Variants in PDE4B observed in about 807,000 individuals in gnomAD.
The protein encoded by PDE4B is phosphodiesterase 4B.
Under a neutral mutation model 82.2 loss-of-function variants are expected in PDE4B, and 20 were observed. The observed-to-expected ratio is 0.24, with a 90% CI of 0.17 to 0.35. PDE4B has a LOEUF of 0.35. Among genes scored for constraint, PDE4B ranks in the 10% least tolerant of loss-of-function variants. PDE4B has a pLI of 1.00. For missense variants in PDE4B, 655 were observed against 907.2 expected, an observed-to-expected ratio of 0.72 and a Z score of 3.57; for synonymous variants, 320 against 318.9, an observed-to-expected ratio of 1.00 and a Z score of -0.04.
chr1:66,300,689 G>A (rs990597599), intron 7 of PDE4B, among the ~76,000 whole-genome samples: 1 of 152,148 alleles, frequency 6.6e-6, no homozygotes, highest in Non-Finnish European at 1.5e-5. Context: ...ATTGGACGCA[G>A]ACCCTGAACT....
chr1:65,983,910 A>G (rs980923754), intron 3 of PDE4B, among the ~76,000 whole-genome samples: 1 of 152,204 alleles, frequency 6.6e-6, no homozygotes, highest in African/African-American at 2.4e-5. Flanking sequence ...GTTATTTAGG[A>G]TGGAAGAGAA....
chr1:65,936,361 C>G (rs1557443980), intron 3 of PDE4B, among the ~76,000 whole-genome samples: 1 of 152,178 alleles, frequency 6.6e-6, no homozygotes, highest in South Asian at 2.1e-4. Context: ...ATCACCACCA[C>G]AAGCACGTGA....
intron 3 of PDE4B, among the ~76,000 whole-genome samples, chr1:66,126,383 C>G (rs1645823840): frequency 6.6e-6 from 1 of 152,150 alleles, no homozygotes; most frequent in South Asian, 2.1e-4. Context: ...GAGGTAGAAG[C>G]TTTCACTATA....
chr1:65,944,945 A>T (rs1360228647), intron 3 of PDE4B, among the ~76,000 whole-genome samples: 1 of 151,966 alleles, frequency 6.6e-6, no homozygotes, highest in Non-Finnish European at 1.5e-5. Context: ...ATAAGCAAAG[A>T]AAGAAGTTAA....
rs970793995 is a variant in PDE4B, at chr1:66,372,704, A to G, written c.*26A>G. ...TCCCCCTCTCCCTGTGGAGATGAAC[A>G]TTCTATCCTTGATGAGCATGCCAGC... On this transcript the variant is annotated 3_prime_UTR_variant, in exon 17 of 17. Transcript: ENST00000341517. 8 of 1,588,664 alleles carry G rather than the reference A, an allele frequency of 5.0e-6. No homozygotes were observed. Among genetic ancestry groups the G allele is most frequent in the Non-Finnish European group, 6.9e-6 (8 of 1,166,392 alleles).
intron 1 of PDE4B, among the ~76,000 whole-genome samples, chr1:65,800,776 G>A (rs920726061): frequency 6.6e-6 from 1 of 152,166 alleles, no homozygotes; most frequent in Non-Finnish European, 1.5e-5. Context: ...GCAATAGTAA[G>A]AGTGGTCACG....
rs189881498 is a variant in PDE4B at position 66,190,825 on chromosome 1, G to A, written c.282-56635G>A. Among the ~76,000 whole-genome samples the A allele has an allele frequency of 2.1e-4, 32 of 152,046 alleles. No individual in the cohort carries two copies. The East Asian group carries it at 4.7e-3, about 22-fold the overall frequency. On this transcript the variant is annotated intron_variant, in intron 3 of 16. Coordinates refer to ENST00000341517, the MANE Select transcript of PDE4B (RefSeq NM_002600.4). ...CCTCACCCTGCTTTGGCTCATACTCGGTGTGCTGCACGTGCTGTCCTGTAC... is the reference window on the plus strand; with the variant it reads ...CCTCACCCTGCTTTGGCTCATACTCAGTGTGCTGCACGTGCTGTCCTGTAC...
intron 1 of PDE4B, among the ~76,000 whole-genome samples, chr1:65,887,375 T>G (rs112737069): frequency 2.1e-4 from 1 of 4,716 alleles, no homozygotes; most frequent in Non-Finnish European, 4.3e-4. Flanking sequence ...CTCCCTCCCT[T>G]CCTTCCTTCC....
intron 3 of PDE4B, among the ~76,000 whole-genome samples, chr1:66,088,665 T>C (rs146857848): frequency 1.3e-4 from 20 of 152,202 alleles, no homozygotes; most frequent in African/African-American, 4.6e-4. Flanking sequence ...GTCAATACTA[T>C]TGAATATTCA....
At chr1:66,341,274 G>C (rs527353485) in intron 8 of PDE4B, among the ~76,000 whole-genome samples, 4 of 152,276 alleles carry the variant, frequency 2.6e-5, no homozygotes, top group Non-Finnish European at 4.4e-5. Flanking sequence ...GTGGGATTCA[G>C]GTATTAAAGT....
At chr1:65,884,459 A>C (rs1357833094) in intron 1 of PDE4B, among the ~76,000 whole-genome samples, 1 of 152,302 alleles carries the variant, frequency 6.6e-6, no homozygotes, top group East Asian at 1.9e-4. Flanking sequence ...ACTTCAAACT[A>C]TACTACAAGG....
intron 3 of PDE4B, among the ~76,000 whole-genome samples, chr1:66,227,498 A>T (rs1169676712): frequency 6.6e-6 from 1 of 152,210 alleles, no homozygotes; most frequent in Non-Finnish European, 1.5e-5. Flanking sequence ...AAATATAAAT[A>T]TACAATATAT....
intron 2 of PDE4B, among the ~76,000 whole-genome samples, chr1:65,913,917 G>A (rs915712849): frequency 4.6e-5 from 7 of 152,168 alleles, no homozygotes; most frequent in Non-Finnish European, 1.0e-4. Context: ...GGATAGCAGA[G>A]TAAATAGGTA....
chr1:66,229,300 T>G (rs988404519), intron 3 of PDE4B, among the ~76,000 whole-genome samples: 1 of 152,074 alleles, frequency 6.6e-6, no homozygotes, highest in Non-Finnish European at 1.5e-5. Context: ...TGAGCCACCA[T>G]GCCCGGCCCC....
At chr1:66,018,288 C>T (rs1011087479) in intron 3 of PDE4B, among the ~76,000 whole-genome samples, 1 of 151,902 alleles carries the variant, frequency 6.6e-6, no homozygotes. Flanking sequence ...ATGGTGGTGG[C>T]GGGCGCCTGT....
At chr1:66,139,257 G>A (rs1646120191) in intron 3 of PDE4B, among the ~76,000 whole-genome samples, 1 of 152,194 alleles carries the variant, frequency 6.6e-6, no homozygotes. Context: ...GGATGAAGTT[G>A]CTTTAAGTTC....
chr1:65,965,891 C>A (rs1417159129), intron 3 of PDE4B, among the ~76,000 whole-genome samples: 3 of 152,204 alleles, frequency 2.0e-5, no homozygotes, highest in African/African-American at 7.2e-5. Flanking sequence ...ATTGATGGAA[C>A]ATATCTCAAA....
At chr1:66,304,904 A>G (rs1307345813) in intron 7 of PDE4B, among the ~76,000 whole-genome samples, 2 of 152,164 alleles carry the variant, frequency 1.3e-5, no homozygotes, top group Non-Finnish European at 2.9e-5. Flanking sequence ...TCAGTCCTCA[A>G]TGCTCACAAA....
chr1:65,839,481 C>T (rs893198213), intron 1 of PDE4B, among the ~76,000 whole-genome samples: 23 of 152,090 alleles, frequency 1.5e-4, no homozygotes, highest in Non-Finnish European at 3.1e-4. Flanking sequence ...CATGTGTTCT[C>T]ATTGTTCAAC....
Sources: allele counts gnomAD v4.1 joint callset (sites outside exome capture counted in the v4.1 genomes callset), GRCh38; gene constraint gnomAD v4.1.1; transcripts MANE v1.5; gene names NCBI Gene and HGNC (gene_info 2026-07-23, HGNC 2026-07-21).